WHRN: variants seen among roughly 807,000 people sequenced by gnomAD.
The protein encoded by WHRN is whirlin, also known as CASK-interacting protein CIP98.
A neutral mutation model predicts 68.3 loss-of-function variants in WHRN; 41 were observed. The ratio of observed to expected loss-of-function variants is 0.60; its 90% CI spans 0.47 to 0.78. The LOEUF (loss-of-function observed/expected upper bound fraction) is 0.78. WHRN is among the 30% of genes least tolerant of loss of function. The pLI is 0.00. For synonymous variants in WHRN, 560 were observed against 561.3 expected, an observed-to-expected ratio of 1.00 and a Z score of 0.03; for missense variants, 1,243 against 1,244.7, an observed-to-expected ratio of 1.00 and a Z score of 0.02.
At position 114,406,665 on chromosome 9, in the gene WHRN, T is replaced by G. The variant is rs1835055290; in HGVS notation, c.1926A>C (p.Ala642=). The G allele has an allele frequency of 6.2e-7, 1 of 1,613,724 alleles. No individual in the cohort carries two copies. The highest frequency in any genetic ancestry group is 8.5e-7 in the Non-Finnish European group (1 of 1,180,002). ...GTAPTPGTSS[A]QDLPSSPIYA... is the part of the protein sequence containing the mutation. Reference sequence around the variant, plus strand: ...AGATGGGGGAAGAGGGCAAGTCCTGTGCAGAGGAGGTCCCTGGGGTGGGTG... The same window carrying G: ...AGATGGGGGAAGAGGGCAAGTCCTGGGCAGAGGAGGTCCCTGGGGTGGGTG... The change falls in exon 9 of 12, where the codon GCA becomes GCC. Residue 642 remains alanine, a synonymous_variant. Transcript: ENST00000362057.
intron 3 of WHRN, among the ~76,000 whole-genome samples, chr9:114,456,565 C>T (rs12554877): frequency 9.3e-4 from 141 of 152,168 alleles, no homozygotes; most frequent in Non-Finnish European, 1.5e-3. Flanking sequence ...TGGTGGCTCA[C>T]GTCTGTAATC....
intron 1 of WHRN, among the ~76,000 whole-genome samples, chr9:114,496,998 G>A (rs990668212): frequency 6.6e-6 from 1 of 152,216 alleles, no homozygotes; most frequent in African/African-American, 2.4e-5. Context: ...GGAAGACAGT[G>A]TTTCCCAAAC....
chr9:114,501,551 T>TACACACACACACAC lies in WHRN; in HGVS notation c.618+2619_618+2632dup, dbSNP rs59195050. The stretch of plus-strand genomic sequence containing the variant: ...AAATTTAATTTAATTTAATTTTTAT[T>TACACACACACACAC]ACACACACACACACACACACACACA... On this transcript the variant is annotated intron_variant, in intron 1 of 11. Transcript: ENST00000362057. Among the ~76,000 whole-genome samples, 328 of 144,956 alleles carry TACACACACACACAC rather than the reference T, an allele frequency of 2.3e-3. 2 individuals carry two copies. The highest frequency in any genetic ancestry group is 7.1e-3 in the Middle Eastern group (2 of 282).
chr9:114,504,659 G>A lies in WHRN; in HGVS notation c.143C>T (p.Ala48Val), dbSNP rs1844248272. The A allele has an allele frequency of 6.2e-7, 1 of 1,604,916 alleles. No homozygotes were observed. Among genetic ancestry groups the A allele is most frequent in the Non-Finnish European group, 8.5e-7 (1 of 1,177,294 alleles). Residue 48 changes from alanine (A) to valine (V), a missense_variant, in exon 1 of 12, where the codon GCG becomes GTG. Coordinates refer to ENST00000362057, the MANE Select transcript of WHRN (RefSeq NM_015404.4). ...CTCCCGCTCCGCCTCGCTCAGCAGC[G>A]CGGTCAGCGCTTGGTGCAGCTGGCG... is the stretch of plus-strand genomic sequence containing the variant. ...NVRQLHQALT[A>V]LLSEAEREQF...
intron 8 of WHRN, 42 bp downstream of exon 8, chr9:114,407,905 A>AGGGAGAG: frequency 6.5e-7 from 1 of 1,535,478 alleles, no homozygotes; most frequent in Non-Finnish European, 8.9e-7. Context: ...GGACCTGAGC[A>AGGGAGAG]CACCAGGGAG....
intron 2 of WHRN, among the ~76,000 whole-genome samples, chr9:114,467,238 C>T (rs927601902): frequency 1.3e-5 from 2 of 152,082 alleles, no homozygotes; most frequent in African/African-American, 4.8e-5. Context: ...CCATGATGGT[C>T]CCTGGCTCTA....
At chr9:114,462,301 C>G (rs532982214) in intron 3 of WHRN, among the ~76,000 whole-genome samples, 20 of 152,274 alleles carry the variant, frequency 1.3e-4, no homozygotes, top group African/African-American at 4.8e-4. Context: ...TCCTTCGCCC[C>G]AATTTCCTCC....
At chr9:114,440,716 G>A (rs1292805364) in intron 3 of WHRN, among the ~76,000 whole-genome samples, 1 of 152,214 alleles carries the variant, frequency 6.6e-6, no homozygotes, top group Non-Finnish European at 1.5e-5. Flanking sequence ...GCCACTTTCT[G>A]TTGCTAGTTC....
In WHRN at chr9:114,486,700, G is replaced by C. The variant is rs187981564; in HGVS notation, c.619-7929C>G. ...TTGGAGAGACAAGTGAAGAAAGTGT[G>C]GTTAAGAGCCACAGCCCTGGAGGTA... On this transcript the variant is annotated intron_variant, in intron 1 of 11. Transcript: ENST00000362057. Among the ~76,000 whole-genome samples the C allele has an allele frequency of 4.6e-5, 7 of 151,380 alleles. No homozygotes were observed. In the South Asian group the frequency reaches 6.3e-4, roughly 14 times the overall value.
At position 114,406,545 on chromosome 9, in the gene WHRN, C is replaced by G. The variant is rs35258467; in HGVS notation, c.2046G>C (p.Arg682=). 9.8e-4 allele frequency: 1,576 copies of G among 1,612,892 alleles called. 14 individuals carry two copies. In the African/African-American group the frequency reaches 0.018, roughly 18 times the overall value. ...TTTTCAGGTGCGGGGGTGACTGGAC[C>G]CGTGGGAAGGGGCCGATGGGGTGTT... ...VNQHPIGPFP[R]VQSPPHLKSP... is the part of the protein sequence containing the mutation. Residue 682 remains arginine, a synonymous_variant, in exon 9 of 12, where the codon CGG becomes CGC. Coordinates refer to ENST00000362057, the MANE Select transcript of WHRN (RefSeq NM_015404.4).
chr9:114,504,057 T>TAAAAA, intron 1 of WHRN, 127 bp downstream of exon 1: 2 of 1,048,744 alleles, frequency 1.9e-6, no homozygotes, highest in Non-Finnish European at 2.7e-6. Flanking sequence ...TTTAAAGTAT[T>TAAAAA]AAAAAAAAAA....
At chr9:114,463,862 G>C (rs575386854) in intron 3 of WHRN, among the ~76,000 whole-genome samples, 2 of 152,220 alleles carry the variant, frequency 1.3e-5, no homozygotes, top group South Asian at 4.1e-4. Flanking sequence ...TACCCATCTG[G>C]CTGGCCTGGT....
rs774074739 is a variant in WHRN at position 114,402,415 on chromosome 9, G to T, written c.*339C>A. The T allele has an allele frequency of 7.6e-5, 28 of 369,510 alleles. No individual in the cohort carries two copies. The highest frequency in any genetic ancestry group is 1.1e-4 in the Non-Finnish European group (22 of 193,670). The allele number at this position is 369,510 out of a possible 1,614,324, so 22.9% of individuals were successfully genotyped here. A position where few individuals can be genotyped will look rare whatever the true frequency, so the allele number is the denominator to read the frequency against. ...AGGCTCAGGCATCTGGGGATGGGCT[G>T]GGTCCTAGCTGGAGGGGGGACAGCA... On this transcript the variant is annotated 3_prime_UTR_variant, in exon 12 of 12. Transcript: ENST00000362057.
At chr9:114,455,042 A>G (rs1443297058) in intron 3 of WHRN, among the ~76,000 whole-genome samples, 2 of 152,226 alleles carry the variant, frequency 1.3e-5, no homozygotes, top group Non-Finnish European at 2.9e-5. Flanking sequence ...CACACTTTAT[A>G]TGAGAACTCA....
intron 1 of WHRN, among the ~76,000 whole-genome samples, chr9:114,492,776 A>C (rs1843096915): frequency 6.6e-6 from 1 of 152,102 alleles, no homozygotes; most frequent in Non-Finnish European, 1.5e-5. Flanking sequence ...GCTTGAGCCC[A>C]AGAGCTCACG....
At position 114,423,986 on chromosome 9, in the gene WHRN, G is replaced by A. The variant is rs1324813457; in HGVS notation, c.1416+348C>T. On this transcript the variant is annotated intron_variant, in intron 6 of 11. Transcript: ENST00000362057. ...GCTGGTGGCACAGCACAGTCACCTG[G>A]AGGGCTTGTGAAGATGACTGACAGC... Among the ~76,000 whole-genome samples the A allele has an allele frequency of 3.9e-5, 6 of 152,198 alleles. No individual in the cohort carries two copies. In the East Asian group the frequency reaches 5.8e-4, roughly 15 times the overall value.
intron 1 of WHRN, among the ~76,000 whole-genome samples, chr9:114,489,750 T>G (rs1020887626): frequency 2.6e-5 from 4 of 152,188 alleles, no homozygotes; most frequent in African/African-American, 9.7e-5. Context: ...AACACTAAAA[T>G]CTAAGCACAT....
At chr9:114,424,589 C>A in intron 5 of WHRN, 43 bp from the exon 6 acceptor site, 1 of 1,562,980 alleles carries the variant, frequency 6.4e-7, no homozygotes. Context: ...CTTAGCTGCT[C>A]TAGAGCTGAG....
At chr9:114,468,834 G>A (rs536345514) in intron 2 of WHRN, among the ~76,000 whole-genome samples, 1 of 152,316 alleles carries the variant, frequency 6.6e-6, no homozygotes, top group East Asian at 1.9e-4. Flanking sequence ...CCCCAGTGCT[G>A]TGCCAGCTCC....
Sources: gnomAD v4.1 joint callset for allele counts (sites outside exome capture counted in the v4.1 genomes callset) on GRCh38, gnomAD v4.1.1 for gene constraint, MANE v1.5 for transcripts, NCBI Gene and HGNC (gene_info 2026-07-23, HGNC 2026-07-21) for gene names.